MBD5: variants seen among roughly 807,000 people sequenced by gnomAD.
MBD5 encodes the protein methyl-CpG binding domain protein 5, also known as methyl-CpG-binding domain protein 5.
In MBD5, 13 loss-of-function variants were observed where a neutral mutation model predicts 117.3. That is an observed-to-expected ratio of 0.11 (90% CI 0.07 to 0.18). The LOEUF (loss-of-function observed/expected upper bound fraction) is 0.18. Among genes scored for constraint, MBD5 ranks in the 10% least tolerant of loss-of-function variants. The probability of loss-of-function intolerance (pLI) is 1.00; values close to 1 mark genes in which losing one functional copy is unlikely to be tolerated. For synonymous variants in MBD5, 727 were observed against 766.4 expected, an observed-to-expected ratio of 0.95 and a Z score of 0.85; for missense variants, 1,879 against 2,093.8, an observed-to-expected ratio of 0.90 and a Z score of 2.00.
chr2:148,244,756 G>A (rs753855575), intron 3 of MBD5, among the ~76,000 whole-genome samples: 59 of 152,124 alleles, frequency 3.9e-4, no homozygotes, highest in Non-Finnish European at 8.2e-4. Context: ...ACCTGGATTT[G>A]CAGGTCTGGC....
chr2:148,512,808 T>G, intron 13 of MBD5, 62 bp from the exon 14 acceptor site: 1 of 1,467,352 alleles, frequency 6.8e-7, no homozygotes, highest in Non-Finnish European at 9.5e-7. Context: ...GTCAGAAATT[T>G]TATGGTGTTT....
intron 11 of MBD5, among the ~76,000 whole-genome samples, chr2:148,492,160 G>C (rs540982685): frequency 6.6e-6 from 1 of 151,352 alleles, no homozygotes; most frequent in African/African-American, 2.4e-5. Flanking sequence ...ACTGATGTTA[G>C]GGGAGATGTA....
At chr2:148,284,636 T>A (rs997654314) in intron 3 of MBD5, among the ~76,000 whole-genome samples, 1 of 152,108 alleles carries the variant, frequency 6.6e-6, no homozygotes, top group Non-Finnish European at 1.5e-5. Flanking sequence ...AATGGATGGG[T>A]CTTGTCTGTA....
At chr2:148,341,774 A>G (rs1334952938) in intron 3 of MBD5, among the ~76,000 whole-genome samples, 1 of 151,940 alleles carries the variant, frequency 6.6e-6, no homozygotes, top group Non-Finnish European at 1.5e-5. Context: ...GTCTTGTATC[A>G]TTATAGTGAT....
chr2:148,026,194 TAAG>T (rs1426100125), intron 1 of MBD5: 1 of 152,198 alleles, frequency 6.6e-6, no homozygotes, highest in African/African-American at 2.4e-5. Context: ...CCATTGATTA[TAAG>T]TACCCAGCAC....
chr2:148,373,659 A>AT (rs2105378756), intron 4 of MBD5, among the ~76,000 whole-genome samples: 1 of 152,134 alleles, frequency 6.6e-6, no homozygotes, highest in South Asian at 2.1e-4. Flanking sequence ...CAACCTCTCT[A>AT]TATGCAAAGT....
At chr2:148,271,491 T>G (rs1320405681) in intron 3 of MBD5, among the ~76,000 whole-genome samples, 1 of 152,216 alleles carries the variant, frequency 6.6e-6, no homozygotes, top group Non-Finnish European at 1.5e-5. Context: ...AAATAGCTTT[T>G]ATTTCATATT....
At chr2:148,221,861 T>A (rs183905080) in intron 2 of MBD5, among the ~76,000 whole-genome samples, 65 of 152,250 alleles carry the variant, frequency 4.3e-4, no homozygotes, top group African/African-American at 1.4e-3. Flanking sequence ...TTTTCCCCAA[T>A]GTTTTCTTGT....
chr2:148,304,446 TCTA>T (rs1205151557), intron 3 of MBD5, among the ~76,000 whole-genome samples: 1 of 152,180 alleles, frequency 6.6e-6, no homozygotes, highest in Non-Finnish European at 1.5e-5. Context: ...CTGAATCAAT[TCTA>T]GTACATTGTG....
chr2:148,399,909 AATC>A (rs1378340890), intron 4 of MBD5, among the ~76,000 whole-genome samples: 1 of 152,180 alleles, frequency 6.6e-6, no homozygotes, highest in East Asian at 1.9e-4. Context: ...CTATTGAGAT[AATC>A]ATGTGGTTTT....
At chr2:148,365,760 C>G (rs560087444) in intron 4 of MBD5, among the ~76,000 whole-genome samples, 1 of 151,946 alleles carries the variant, frequency 6.6e-6, no homozygotes, top group Non-Finnish European at 1.5e-5. Context: ...CACATGCACC[C>G]TCCCATGACT....
intron 9 of MBD5, among the ~76,000 whole-genome samples, chr2:148,484,573 C>A (rs1681275053): frequency 6.6e-6 from 1 of 152,092 alleles, no homozygotes; most frequent in Non-Finnish European, 1.5e-5. Context: ...TCCAGGTGAA[C>A]CCTAAATAAA....
At chr2:148,312,386 T>G (rs1449893436) in intron 3 of MBD5, among the ~76,000 whole-genome samples, 1 of 152,226 alleles carries the variant, frequency 6.6e-6, no homozygotes, top group African/African-American at 2.4e-5. Context: ...TTTCACACTT[T>G]ATTTCATTAA....
At chr2:148,052,051 T>TC (rs1284557548) in intron 1 of MBD5, among the ~76,000 whole-genome samples, 1 of 151,986 alleles carries the variant, frequency 6.6e-6, no homozygotes, top group East Asian at 1.9e-4. Context: ...CTCTTTTTTT[T>TC]CTTGGGTAGT....
intron 3 of MBD5, among the ~76,000 whole-genome samples, chr2:148,252,022 G>A (rs1007131688): frequency 2.0e-5 from 3 of 152,158 alleles, no homozygotes; most frequent in Non-Finnish European, 4.4e-5. Flanking sequence ...AGACAGTTTG[G>A]AAATGTGTAG....
intron 1 of MBD5, among the ~76,000 whole-genome samples, chr2:148,139,373 A>G (rs1207069952): frequency 6.6e-6 from 1 of 151,902 alleles, no homozygotes; most frequent in African/African-American, 2.4e-5. Context: ...CGCCCAGCTA[A>G]TTTTGTATTT....
chr2:148,359,371 A>G (rs1189550027), intron 4 of MBD5, among the ~76,000 whole-genome samples: 1 of 152,156 alleles, frequency 6.6e-6, no homozygotes. Context: ...GAGATAAAAC[A>G]TATCATGTTC....
intron 4 of MBD5, among the ~76,000 whole-genome samples, chr2:148,433,492 T>C (rs1706054801): frequency 6.6e-6 from 1 of 152,224 alleles, no homozygotes; most frequent in Non-Finnish European, 1.5e-5. Flanking sequence ...GGGTTTGTCA[T>C]GGATGGCTCT....
chr2:148,449,165 AT>A lies in MBD5; in HGVS notation c.-556-9031del, dbSNP rs1224853441. 2.6e-5 allele frequency among the ~76,000 whole-genome samples: 4 copies of A among 152,140 alleles called. No homozygotes were observed. In the South Asian group the frequency reaches 8.3e-4, roughly 32 times the overall value. On this transcript the variant is annotated intron_variant, in intron 4 of 13. Coordinates refer to ENST00000642680, the MANE Select transcript of MBD5 (RefSeq NM_001378120.1). ...GGTTTGCAGAAAATATAAAAAGTAA[AT>A]TTTTTTAAAGATATGTATTTGAGAG...
Sources: gnomAD v4.1 joint callset for allele counts (sites outside exome capture counted in the v4.1 genomes callset) on GRCh38, gnomAD v4.1.1 for gene constraint, MANE v1.5 for transcripts, NCBI Gene and HGNC (gene_info 2026-07-23, HGNC 2026-07-21) for gene names.